The following CCDC82 variants were observed in gnomAD, a reference collection of about 807,000 sequenced individuals.
The protein encoded by CCDC82 is coiled-coil domain containing 82, also known as coiled-coil domain-containing protein 82.
A neutral mutation model predicts 60.6 loss-of-function variants in CCDC82; 47 were observed. That is an observed-to-expected ratio of 0.77 (90% CI 0.61 to 0.99). The LOEUF is 0.99. CCDC82 is among the 50% of genes least tolerant of loss of function. The probability of loss-of-function intolerance (pLI) is 0.00; values close to 1 mark genes in which losing one functional copy is unlikely to be tolerated. For missense variants in CCDC82, 588 were observed against 633.0 expected (o/e 0.93, Z 0.76); for synonymous variants, 212 against 207.4 (o/e 1.02, Z -0.19).
In CCDC82 at chr11:96,384,220, G is replaced by T; in HGVS notation, c.528C>A (p.Asp176Glu). Residue 176 changes from aspartate to glutamate, a missense_variant, in exon 4 of 10, where the codon GAC becomes GAA. Asp to Glu is a conservative substitution (Grantham distance 45). Transcript: ENST00000646818. ...GCCTTTTTCTTTTTCCTCGCTTGAT[G>T]TCTTCTTCTTCTAAATCATCCTCTA... The part of the protein sequence containing the change: ...QIIEDDLEEE[D>E]IKRGKRKRLS... 2 of 1,613,732 alleles carry T rather than the reference G, an allele frequency of 1.2e-6. No homozygotes were observed. The highest frequency in any genetic ancestry group is 1.7e-6 in the Non-Finnish European group (2 of 1,179,844).
chr11:96,373,022 A>C (rs113859428), intron 6 of CCDC82, among the ~76,000 whole-genome samples: 3 of 152,196 alleles, frequency 2.0e-5, no homozygotes, highest in Non-Finnish European at 4.4e-5. Flanking sequence ...GCACAAAAGC[A>C]GAAAACAGCA....
intron 5 of CCDC82, chr11:96,381,019 T>G (rs901519861): frequency 2.0e-5 from 3 of 151,638 alleles, no homozygotes; most frequent in Non-Finnish European, 4.4e-5. Flanking sequence ...TAAAAGAGGT[T>G]AATAATAGGG....
At chr11:96,383,081 A>G (rs1236298522) in intron 5 of CCDC82, 188 bp downstream of exon 5, 1 of 557,902 alleles carries the variant, frequency 1.8e-6, no homozygotes, top group Admixed American at 3.4e-5. Flanking sequence ...TGTTGGGGTT[A>G]ATAATTTTGA....
Position 96,368,585 on chromosome 11 carries a change from G to C in CCDC82, c.1209+2428C>G, listed in dbSNP as rs78911270. 3.2e-3 allele frequency among the ~76,000 whole-genome samples: 480 copies of C among 152,332 alleles called. 2 individuals are homozygous for C. The highest frequency in any genetic ancestry group is 0.011 in the African/African-American group (459 of 41,574). On this transcript the variant is annotated intron_variant, in intron 7 of 9. Coordinates refer to ENST00000646818, the MANE Select transcript of CCDC82 (RefSeq NM_024725.4). ...TTAGCTATAAAAGTCCTAGATGGTA[G>C]GCTGGGTGCAGTGGCTCACGTCCGT...
intron 8 of CCDC82, chr11:96,364,111 T>C (rs1341611791): frequency 6.6e-6 from 1 of 152,184 alleles, no homozygotes; most frequent in Non-Finnish European, 1.5e-5. Flanking sequence ...ATGTATTTGA[T>C]ATACATAACA....
intron 5 of CCDC82, among the ~76,000 whole-genome samples, chr11:96,378,012 A>C (rs1344126023): frequency 6.6e-6 from 1 of 151,964 alleles, no homozygotes; most frequent in Non-Finnish European, 1.5e-5. Flanking sequence ...TTCTTCCTTT[A>C]CATTTCCATT....
intron 5 of CCDC82, among the ~76,000 whole-genome samples, chr11:96,375,685 G>A (rs1318757187): frequency 1.3e-5 from 2 of 152,094 alleles, no homozygotes; most frequent in African/African-American, 2.4e-5. Context: ...AGTAAGTTTC[G>A]GAACTAGGGC....
Position 96,359,153 on chromosome 11 carries a change from G to A in CCDC82, c.1406C>T (p.Ala469Val). 1 of 1,578,274 alleles carries A rather than the reference G, an allele frequency of 6.3e-7. No individual in the cohort carries two copies. Among genetic ancestry groups the A allele is most frequent in the Non-Finnish European group, 8.6e-7 (1 of 1,169,024 alleles). Residue 469 changes from alanine to valine, a missense_variant, in exon 9 of 10, where the codon GCC (alanine) becomes GTC (valine). Coordinates refer to ENST00000646818, the MANE Select transcript of CCDC82 (RefSeq NM_024725.4). ...KQVFTVGRIC[A>V]SRTRIYHKLK... The stretch of plus-strand genomic sequence containing the variant: ...TTTATGATAAATTCTGGTACGGCTG[G>A]CACAAATTCTGCCAACAGTGAACAC...
chr11:96,371,540 C>A (rs1334860697), intron 6 of CCDC82, among the ~76,000 whole-genome samples: 2 of 152,230 alleles, frequency 1.3e-5, no homozygotes, highest in East Asian at 3.8e-4. Flanking sequence ...TGAGATCGCA[C>A]CACTGTACTC....
At chr11:96,377,292 C>G (rs868585968) in intron 5 of CCDC82, among the ~76,000 whole-genome samples, 3 of 152,188 alleles carry the variant, frequency 2.0e-5, no homozygotes, top group African/African-American at 7.2e-5. Context: ...GTATTTATAT[C>G]CCTTCTCTTA....
At chr11:96,362,437 G>GT (rs1378493710) in intron 8 of CCDC82, among the ~76,000 whole-genome samples, 2 of 152,080 alleles carry the variant, frequency 1.3e-5, no homozygotes, top group African/African-American at 2.4e-5. Context: ...TTTTTTGTTT[G>GT]TTTTTTGTAC....
At chr11:96,359,378 T>C (rs1048196597) in intron 8 of CCDC82, 200 bp from the exon 9 acceptor site, 11 of 469,868 alleles carry the variant, frequency 2.3e-5, no homozygotes, top group Admixed American at 4.3e-5. Context: ...GCACTAGAGA[T>C]ATATAAATAA....
chr11:96,370,597 C>T (rs1047203349), intron 7 of CCDC82, among the ~76,000 whole-genome samples: 6 of 152,156 alleles, frequency 3.9e-5, no homozygotes, highest in African/African-American at 1.4e-4. Context: ...GGAAATACTG[C>T]ATTCCATACC....
intron 8 of CCDC82, among the ~76,000 whole-genome samples, chr11:96,361,001 A>G (rs1431866362): frequency 1.3e-5 from 2 of 152,266 alleles, no homozygotes; most frequent in South Asian, 2.1e-4. Flanking sequence ...ATTATTGTAC[A>G]TGGCTTATTA....
intron 7 of CCDC82, among the ~76,000 whole-genome samples, chr11:96,370,741 G>T (rs541791582): frequency 6.6e-6 from 1 of 152,132 alleles, no homozygotes; most frequent in Non-Finnish European, 1.5e-5. Context: ...TAACAACACC[G>T]TGTGAGACAA....
chr11:96,387,407 A>G (rs1028972006), intron 2 of CCDC82, 123 bp downstream of exon 2: 8 of 152,232 alleles, frequency 5.3e-5, no homozygotes, highest in Admixed American at 4.6e-4. Flanking sequence ...GCCATAAAAG[A>G]AACTTTAAGT....
At chr11:96,374,577 C>T (rs1369763290) in intron 5 of CCDC82, among the ~76,000 whole-genome samples, 1 of 152,166 alleles carries the variant, frequency 6.6e-6, no homozygotes, top group Non-Finnish European at 1.5e-5. Context: ...AGGCAATAAT[C>T]ATGGCCTTTA....
chr11:96,365,134 T>A lies in CCDC82; in HGVS notation c.1226A>T (p.Tyr409Phe), dbSNP rs776286640. ...CTTCAAATGAATACTTACATTAGAA[T>A]AATTTTCTACTCGCTCCTGAAAACA... ...KEQYKERVEN[Y>F]SNVSIHLKNP... The change falls in exon 8 of 10, where the codon TAT becomes TTT. Residue 409 changes from tyrosine (Y) to phenylalanine (F), a missense_variant. By Grantham distance (22) the Tyr-to-Phe change is conservative. Coordinates refer to ENST00000646818, the MANE Select transcript of CCDC82 (RefSeq NM_024725.4). 4.5e-6 allele frequency: 7 copies of A among 1,565,222 alleles called. No individual in the cohort carries two copies. Among genetic ancestry groups the A allele is most frequent in the Non-Finnish European group, 5.2e-6 (6 of 1,156,234 alleles).
intron 1 of CCDC82, chr11:96,388,042 AG>A (rs1193946012): frequency 2.0e-5 from 3 of 152,252 alleles, no homozygotes; most frequent in Non-Finnish European, 2.9e-5. Context: ...CCAAATTGCC[AG>A]GGTCTCTCAT....
Sources: gnomAD v4.1 joint callset for allele counts (sites outside exome capture counted in the v4.1 genomes callset) on GRCh38, gnomAD v4.1.1 for gene constraint, MANE v1.5 for transcripts, NCBI Gene and HGNC (gene_info 2026-07-23, HGNC 2026-07-21) for gene names.